The following ANKRD11 variants were observed in gnomAD, a reference collection of about 807,000 sequenced individuals.
ANKRD11 encodes ankyrin repeat domain-containing protein 11.
Under a neutral mutation model 195.7 loss-of-function variants are expected in ANKRD11, and 17 were observed. The observed-to-expected ratio is 0.09, with a 90% CI of 0.06 to 0.13. The LOEUF (loss-of-function observed/expected upper bound fraction) is 0.13, where lower values mean the gene tolerates loss of function less well. Among genes scored for constraint, ANKRD11 ranks in the 10% least tolerant of loss-of-function variants. The probability of loss-of-function intolerance (pLI) is 1.00; values close to 1 mark genes in which losing one functional copy is unlikely to be tolerated. For synonymous variants in ANKRD11, 1,953 were observed against 1,528.1 expected (o/e 1.28, Z -6.49); for missense variants, 3,735 against 3,566.1 (o/e 1.05, Z -1.21).
intron 2 of ANKRD11, among the ~76,000 whole-genome samples, chr16:89,323,577 CT>C (rs2037497459): frequency 5.9e-5 from 2 of 34,054 alleles, no homozygotes; most frequent in East Asian, 1.3e-3. Context: ...GGCACGGGGG[CT>C]AAGCCCAGGG....
Position 89,281,307 on chromosome 16 carries a change from G to C in ANKRD11, c.5235C>G (p.Ser1745=). 1 of 1,614,130 alleles carries C rather than the reference G, an allele frequency of 6.2e-7. No individual in the cohort carries two copies. Among genetic ancestry groups the C allele is most frequent in the Non-Finnish European group, 8.5e-7 (1 of 1,179,994 alleles). ...TGGTGGGAGCGGTGGGCACGGGCGT[G>C]GAGTGCTGCGAGTCGGCGCAGTCGA... ...LVFDCADSQH[S]TPVPTAPTSA... Residue 1745 remains serine (S), a synonymous_variant, in exon 9 of 13, where the codon TCC becomes TCG. Transcript: ENST00000301030. The surrounding 1 kb of genome is among the most constrained non-coding windows in gnomAD (Gnocchi z 5.5).
At chr16:89,481,453 A>T (rs550816761) in intron 1 of ANKRD11, among the ~76,000 whole-genome samples, 1 of 152,300 alleles carries the variant, frequency 6.6e-6, no homozygotes, top group Non-Finnish European at 1.5e-5. Flanking sequence ...GCCACTCATG[A>T]CGTTGACGCA....
At chr16:89,303,653 C>T (rs1220897618) in intron 4 of ANKRD11, among the ~76,000 whole-genome samples, 1 of 152,222 alleles carries the variant, frequency 6.6e-6, no homozygotes, top group African/African-American at 2.4e-5. Context: ...AAAACCAGCC[C>T]TCTCTGCTGG....
In ANKRD11 at chr16:89,288,445, C is replaced by T. The variant is rs776865418; in HGVS notation, c.744+83G>A. ...TTTCCTGTGCCCCACATCATGGAAC[C>T]GGCTAGCTACGGGGAAACAAAGCTA... is the stretch of plus-strand genomic sequence containing the variant. On this transcript the variant is annotated intron_variant, in intron 7 of 12. Transcript: ENST00000301030. The T allele has an allele frequency of 1.8e-5, 29 of 1,600,448 alleles. No homozygotes were observed. The East Asian group carries it at 2.5e-4, about 14-fold the overall frequency.
In ANKRD11 at chr16:89,291,865, G is replaced by A. The variant is rs1004277734; in HGVS notation, c.227-682C>T. ...AGCCTCCTCGTAACAAGCACACCCT[G>A]CACTCATCTGACCCGTTACAGAACA... On this transcript the variant is annotated intron_variant, in intron 4 of 12. Coordinates refer to ENST00000301030, the MANE Select transcript of ANKRD11 (RefSeq NM_013275.6). This position sits in a 1 kb window ranked among gnomAD's most constrained non-coding sequence, Gnocchi z 5.3. 42 of 863,160 alleles carry A rather than the reference G, an allele frequency of 4.9e-5. No individual in the cohort carries two copies. Among genetic ancestry groups the A allele is most frequent in the South Asian group, 2.1e-4 (15 of 72,510 alleles). The allele number at this position is 863,160 out of a possible 1,614,324, so 53.5% of individuals were successfully genotyped here. A position where few individuals can be genotyped will look rare whatever the true frequency, so the allele number is the denominator to read the frequency against.
At chr16:89,369,427 G>C (rs550918378) in intron 2 of ANKRD11, among the ~76,000 whole-genome samples, 11 of 152,340 alleles carry the variant, frequency 7.2e-5, no homozygotes, top group African/African-American at 2.6e-4. Context: ...GCTGCAGCAA[G>C]GGTGCGCCTC....
At chr16:89,342,061 G>A (rs1310295157) in intron 2 of ANKRD11, among the ~76,000 whole-genome samples, 1 of 89,770 alleles carries the variant, frequency 1.1e-5, no homozygotes, top group Non-Finnish European at 2.5e-5. Context: ...CACGGCGGGA[G>A]TGCTGCACCT....
intron 2 of ANKRD11, among the ~76,000 whole-genome samples, chr16:89,361,235 T>C (rs1597785778): frequency 6.6e-6 from 1 of 152,182 alleles, no homozygotes; most frequent in South Asian, 2.1e-4. Flanking sequence ...ATCCCCCTTC[T>C]TCCTCCCGCA....
intron 2 of ANKRD11, among the ~76,000 whole-genome samples, chr16:89,393,684 T>C (rs931003741): frequency 6.6e-6 from 1 of 151,658 alleles, no homozygotes; most frequent in Admixed American, 6.6e-5. Context: ...CCTCAGAGGA[T>C]TTGTAAGGGT....
At chr16:89,396,120 T>C (rs974444953) in intron 2 of ANKRD11, 4 of 152,306 alleles carry the variant, frequency 2.6e-5, no homozygotes, top group Admixed American at 6.5e-5. Context: ...CAACTTGTTG[T>C]CAATGTGAAA....
At position 89,280,199 on chromosome 16, in the gene ANKRD11, C is replaced by T. The variant is rs775650316; in HGVS notation, c.6343G>A (p.Val2115Met). The T allele has an allele frequency of 1.9e-6, 3 of 1,608,558 alleles. No individual in the cohort carries two copies. Among genetic ancestry groups the T allele is most frequent in the South Asian group, 1.1e-5 (1 of 90,912 alleles). ...GSRGLSHLGQ[V>M]EPVPWADAFA... ...GCGTCCGCCCAGGGCACCGGCTCCACCTGGCCGAGGTGAGACAGGCCGCGG... is the reference window on the plus strand; with the variant it reads ...GCGTCCGCCCAGGGCACCGGCTCCATCTGGCCGAGGTGAGACAGGCCGCGG... Residue 2115 changes from valine (V) to methionine (M), a missense_variant, in exon 9 of 13, where the codon GTG becomes ATG. Val to Met is a conservative substitution (Grantham distance 21). Coordinates refer to ENST00000301030, the MANE Select transcript of ANKRD11 (RefSeq NM_013275.6).
intron 1 of ANKRD11, among the ~76,000 whole-genome samples, chr16:89,451,694 G>C (rs559620710): frequency 2.0e-5 from 3 of 152,168 alleles, no homozygotes; most frequent in East Asian, 1.9e-4. Flanking sequence ...TGGGATTACA[G>C]GCTAGAGCCA....
intron 2 of ANKRD11, among the ~76,000 whole-genome samples, chr16:89,347,194 C>T (rs1411068353): frequency 2.0e-5 from 3 of 152,226 alleles, no homozygotes; most frequent in Admixed American, 1.3e-4. Flanking sequence ...ACTGCCACAG[C>T]AGCACCTGGG....
At chr16:89,341,879 C>G (rs374597603) in intron 2 of ANKRD11, among the ~76,000 whole-genome samples, 2 of 144,094 alleles carry the variant, frequency 1.4e-5, no homozygotes, top group Non-Finnish European at 3.1e-5. Context: ...CCACGGCCCA[C>G]GGCAGGAGTG....
At chr16:89,457,383 G>A (rs1186454119) in intron 1 of ANKRD11, among the ~76,000 whole-genome samples, 1 of 151,428 alleles carries the variant, frequency 6.6e-6, no homozygotes, top group Non-Finnish European at 1.5e-5. Flanking sequence ...CAGATCATGC[G>A]GTCAGGAGTT....
intron 1 of ANKRD11, among the ~76,000 whole-genome samples, chr16:89,444,086 A>C (rs2965818): frequency 6.6e-6 from 1 of 151,952 alleles, no homozygotes; most frequent in Non-Finnish European, 1.5e-5. Flanking sequence ...TCTGAAATAA[A>C]TAACAACTCA....
At chr16:89,388,293 A>ATTTTTTTT (rs71134215) in intron 2 of ANKRD11, among the ~76,000 whole-genome samples, 5,906 of 85,004 alleles carry the variant, frequency 0.069, 1,000 homozygotes, top group South Asian at 0.1. Context: ...CATGAGGCTG[A>ATTTTTTTT]TTTTTTTTTT....
chr16:89,363,464 T>TATA (rs1012066394), intron 2 of ANKRD11, among the ~76,000 whole-genome samples: 3 of 135,638 alleles, frequency 2.2e-5, no homozygotes, highest in Non-Finnish European at 3.1e-5. Flanking sequence ...ACCCTAAAAG[T>TATA]ATAATAATAA....
In ANKRD11 at chr16:89,280,649, C is replaced by T. The variant is rs1180202219; in HGVS notation, c.5893G>A (p.Gly1965Ser). The stretch of plus-strand genomic sequence containing the variant: ...CAGCTCACAGGGTTTTCAGAGGTGC[C>T]CCCGATCAGGCTAGAGGCAAGCGCC... ...EQALASSLIG[G>S]TSENPVSWPV... Residue 1965 changes from glycine to serine, a missense_variant, in exon 9 of 13, where the codon GGC (glycine) becomes AGC (serine). Coordinates refer to ENST00000301030, the MANE Select transcript of ANKRD11 (RefSeq NM_013275.6). 2 of 1,613,476 alleles carry T rather than the reference C, an allele frequency of 1.2e-6. No individual in the cohort carries two copies. The highest frequency in any genetic ancestry group is 1.7e-6 in the Non-Finnish European group (2 of 1,179,964).
Sources: allele counts gnomAD v4.1 joint callset (sites outside exome capture counted in the v4.1 genomes callset), GRCh38; gene constraint gnomAD v4.1.1; non-coding constraint Gnocchi (gnomAD v3.1); transcripts MANE v1.5; gene names NCBI Gene and HGNC (gene_info 2026-07-23, HGNC 2026-07-21).